MRC2: variants seen among roughly 807,000 people sequenced by gnomAD.
MRC2 encodes the protein mannose receptor C-type 2.
In MRC2, 84 loss-of-function variants were observed where a neutral mutation model predicts 206.2. The observed-to-expected ratio is 0.41, with a 90% CI of 0.34 to 0.49. The LOEUF is 0.49. MRC2 is among the 20% of genes least tolerant of loss of function. MRC2 has a pLI of 0.31. For synonymous variants in MRC2, 798 were observed against 800.0 expected (o/e 1.00, Z 0.04); for missense variants, 1,676 against 2,001.5 (o/e 0.84, Z 3.10).
In MRC2 at chr17:62,675,356, C is replaced by T. The variant is rs1052138153; in HGVS notation, c.1570-434C>T. On this transcript the variant is annotated intron_variant, in intron 9 of 29. Transcript: ENST00000303375. The surrounding 1 kb of genome is among the most constrained non-coding windows in gnomAD (Gnocchi z 4.1). The stretch of plus-strand genomic sequence containing the variant: ...CCATCCCCGGGCCAGGAGCATCCTG[C>T]GCCGACTCCAGCTTTGCCAGGCCCT... Among the ~76,000 whole-genome samples, 12 of 152,218 alleles carry T rather than the reference C, an allele frequency of 7.9e-5. No individual in the cohort carries two copies. The highest frequency in any genetic ancestry group is 9.6e-5 in the African/African-American group (4 of 41,456).
chr17:62,680,121 C>A lies in MRC2; in HGVS notation c.2299-49C>A, dbSNP rs2088944096. 2 of 1,611,384 alleles carry A rather than the reference C, an allele frequency of 1.2e-6. No homozygotes were observed. Among genetic ancestry groups the A allele is most frequent in the Non-Finnish European group, 1.7e-6 (2 of 1,178,622 alleles). Reference sequence around the variant, plus strand: ...TCACCTGTTCCGGGCATGGGGGCGGCCTGCACCTTGCGCCTCACGTTCCTC... The same window carrying A: ...TCACCTGTTCCGGGCATGGGGGCGGACTGCACCTTGCGCCTCACGTTCCTC... On this transcript the variant is annotated intron_variant, in intron 14 of 29. Transcript: ENST00000303375. This position sits in a 1 kb window ranked among gnomAD's most constrained non-coding sequence, Gnocchi z 4.8.
At chr17:62,650,241 A>T (rs2088539963) in intron 1 of MRC2, among the ~76,000 whole-genome samples, 1 of 151,946 alleles carries the variant, frequency 6.6e-6, no homozygotes, top group African/African-American at 2.4e-5. Flanking sequence ...TTTGCCACTC[A>T]GAAAAACAAG....
chr17:62,643,054 G>A (rs921116069), intron 1 of MRC2, among the ~76,000 whole-genome samples: 4 of 152,058 alleles, frequency 2.6e-5, no homozygotes, highest in South Asian at 2.1e-4. Flanking sequence ...ATAGCCAGGC[G>A]CGGTTGCTCT....
intron 1 of MRC2, among the ~76,000 whole-genome samples, chr17:62,638,011 C>T (rs1352606091): frequency 1.3e-5 from 2 of 151,992 alleles, no homozygotes; most frequent in South Asian, 2.1e-4. Context: ...CGACAGGCGG[C>T]GCCACCACTC....
chr17:62,678,929 A>AAACTTAC (rs2088927188), intron 13 of MRC2, among the ~76,000 whole-genome samples: 1 of 151,964 alleles, frequency 6.6e-6, no homozygotes, highest in South Asian at 2.1e-4. Flanking sequence ...ACAGACCCAC[A>AAACTTAC]AACTTACATA....
intron 1 of MRC2, among the ~76,000 whole-genome samples, chr17:62,633,840 C>CAAAAAAAAAAAAAAA (rs571793821): frequency 1.2e-4 from 4 of 33,918 alleles, no homozygotes; most frequent in Non-Finnish European, 2.0e-4. Context: ...GACCCTGTCT[C>CAAAAAAAAAAAAAAA]AAAAAAAAAA....
At chr17:62,639,057 G>A (rs947692026) in intron 1 of MRC2, among the ~76,000 whole-genome samples, 7 of 152,142 alleles carry the variant, frequency 4.6e-5, no homozygotes, top group Admixed American at 3.3e-4. Context: ...GGATTGGGCC[G>A]GGCACAGTGG....
chr17:62,684,006 T>C (rs955775305), intron 20 of MRC2: 3 of 152,224 alleles, frequency 2.0e-5, no homozygotes, highest in African/African-American at 7.2e-5. Flanking sequence ...GGGTCCATAT[T>C]TTGCGTAGTT....
rs566631556 is a variant in MRC2, at chr17:62,677,499, G to C, written c.2052+13G>C. On this transcript the variant is annotated intron_variant, in intron 12 of 29. Coordinates refer to ENST00000303375, the MANE Select transcript of MRC2 (RefSeq NM_006039.5). ...GTATTGCTATAAGGTAGGGCAGCCT[G>C]TTGGCCGGGTAGGGGGCAGGGGGAG... 1 of 1,581,832 alleles carries C rather than the reference G, an allele frequency of 6.3e-7. No individual in the cohort carries two copies. Among genetic ancestry groups the C allele is most frequent in the South Asian group, 1.1e-5 (1 of 88,938 alleles).
intron 1 of MRC2, among the ~76,000 whole-genome samples, chr17:62,642,318 G>A (rs890579246): frequency 5.9e-5 from 9 of 152,162 alleles, no homozygotes; most frequent in African/African-American, 2.2e-4. Context: ...CATATTAAAC[G>A]TTTTTGGAAA....
At position 62,666,619 on chromosome 17, in the gene MRC2, G is replaced by A; in HGVS notation, c.859G>A (p.Gly287Ser). Residue 287 changes from glycine (G) to serine (S), a missense_variant and splice_region_variant, in exon 4 of 30, where the codon GGC becomes AGC. Transcript: ENST00000303375. This position sits in a 1 kb window ranked among gnomAD's most constrained non-coding sequence, Gnocchi z 5.0. ...TEIHEQTYIN[G>S]LLTGYSSTLW... ...GATCCACGAGCAGACCTACATCAACGGTGAGCCGGGGCCTGATGCCTGCTC... is the reference window on the plus strand; with the variant it reads ...GATCCACGAGCAGACCTACATCAACAGTGAGCCGGGGCCTGATGCCTGCTC... 1 of 1,571,826 alleles carries A rather than the reference G, an allele frequency of 6.4e-7. No individual in the cohort carries two copies. The highest frequency in any genetic ancestry group is 8.6e-7 in the Non-Finnish European group (1 of 1,158,952).
Position 62,688,348 on chromosome 17 carries a change from C to T in MRC2, c.3006C>T (p.Phe1002=), listed in dbSNP as rs767610291. ...GGGTGAAGTGGTCAGAGGCACAGTT[C>T]TCCTGTGAACAGCAAGAGGCCCAGC... ...QSRVKWSEAQ[F]SCEQQEAQLV... The change falls in exon 21 of 30, where the codon TTC becomes TTT. Residue 1002 remains phenylalanine, a synonymous_variant. Coordinates refer to ENST00000303375, the MANE Select transcript of MRC2 (RefSeq NM_006039.5). 3 of 1,614,078 alleles carry T rather than the reference C, an allele frequency of 1.9e-6. No individual in the cohort carries two copies. In the African/African-American group the frequency reaches 4.0e-5, roughly 22 times the overall value.
Position 62,682,486 on chromosome 17 carries a change from C to T in MRC2, c.2946+109C>T, listed in dbSNP as rs911048385. Reference sequence around the variant, plus strand: ...TTTGGCAGCACCAAACTCATGGCCTCTTGCCTGTACCCACCAACTTCTCTT... The same window carrying T: ...TTTGGCAGCACCAAACTCATGGCCTTTTGCCTGTACCCACCAACTTCTCTT... On this transcript the variant is annotated intron_variant, in intron 20 of 29. Transcript: ENST00000303375. 2.2e-5 allele frequency: 29 copies of T among 1,290,096 alleles called. No individual in the cohort carries two copies. In the South Asian group the frequency reaches 4.7e-4, roughly 21 times the overall value. 79.9% of individuals were successfully genotyped at this position (1,290,096 alleles called of 1,614,324 possible).
chr17:62,636,745 A>C (rs2088326070), intron 1 of MRC2, among the ~76,000 whole-genome samples: 1 of 152,060 alleles, frequency 6.6e-6, no homozygotes, highest in Non-Finnish European at 1.5e-5. Flanking sequence ...TGCTGCGATT[A>C]CAGGCGTGAG....
chr17:62,673,396 G>A (rs1406747396), intron 8 of MRC2, among the ~76,000 whole-genome samples: 1 of 152,088 alleles, frequency 6.6e-6, no homozygotes, highest in East Asian at 1.9e-4. Context: ...CTAGCTAGAC[G>A]CCTTGGGAAT....
In MRC2 at chr17:62,666,295, G is replaced by C; in HGVS notation, c.694+28G>C. 6.4e-7 allele frequency: 1 copy of C among 1,557,070 alleles called. No homozygotes were observed. The highest frequency in any genetic ancestry group is 8.7e-7 in the Non-Finnish European group (1 of 1,154,400). On this transcript the variant is annotated intron_variant, in intron 3 of 29. Transcript: ENST00000303375. The surrounding 1 kb of genome is among the most constrained non-coding windows in gnomAD (Gnocchi z 5.0). ...GAGAGCTGTTGGAGCCGTGGGGGCG[G>C]GGGCAGTGTTCCTGGAGGGAGGCTG...
Position 62,672,191 on chromosome 17 carries a change from C to A in MRC2, c.1461+39C>A. On this transcript the variant is annotated intron_variant, in intron 8 of 29. Coordinates refer to ENST00000303375, the MANE Select transcript of MRC2 (RefSeq NM_006039.5). This position sits in a 1 kb window ranked among gnomAD's most constrained non-coding sequence, Gnocchi z 4.5. Reference sequence around the variant, plus strand: ...CTCCCTATCACAGGGCCACAAAATACACCCCCAACCTCCAGGTGCCACCCC... The same window carrying A: ...CTCCCTATCACAGGGCCACAAAATAAACCCCCAACCTCCAGGTGCCACCCC... 3 of 1,610,866 alleles carry A rather than the reference C, an allele frequency of 1.9e-6. No homozygotes were observed. The highest frequency in any genetic ancestry group is 2.5e-6 in the Non-Finnish European group (3 of 1,177,812).
intron 6 of MRC2, among the ~76,000 whole-genome samples, chr17:62,669,288 C>T (rs1006848829): frequency 6.6e-6 from 1 of 152,144 alleles, no homozygotes; most frequent in African/African-American, 2.4e-5. Context: ...GATCTTGGCT[C>T]ACCACAACCT....
chr17:62,647,532 TCTAAATACC>T (rs1294327128), intron 1 of MRC2, among the ~76,000 whole-genome samples: 1 of 152,304 alleles, frequency 6.6e-6, no homozygotes, highest in South Asian at 2.1e-4. Flanking sequence ...AACTTCTGTG[TCTAAATACC>T]CTTTATACAT....
Sources: gnomAD v4.1 joint callset for allele counts (sites outside exome capture counted in the v4.1 genomes callset) on GRCh38, gnomAD v4.1.1 for gene constraint, Gnocchi (gnomAD v3.1) non-coding constraint, MANE v1.5 for transcripts, NCBI Gene and HGNC (gene_info 2026-07-23, HGNC 2026-07-21) for gene names.